The following TSHZ3 variants were observed in gnomAD, a reference collection of about 807,000 sequenced individuals.
TSHZ3 encodes the protein teashirt zinc finger homeobox 3.
Under a neutral mutation model 64.5 loss-of-function variants are expected in TSHZ3, and 10 were observed. The observed-to-expected ratio is 0.16, with a 90% confidence interval of 0.10 to 0.26. The LOEUF is 0.26. Among genes scored for constraint, TSHZ3 ranks in the 10% least tolerant of loss-of-function variants. The probability of loss-of-function intolerance (pLI) is 1.00; values close to 1 mark genes in which losing one functional copy is unlikely to be tolerated. For synonymous variants in TSHZ3, 608 were observed against 593.1 expected, an observed-to-expected ratio of 1.03 and a Z score of -0.36; for missense variants, 1,242 against 1,421.7, an observed-to-expected ratio of 0.87 and a Z score of 2.03.
intron 5 of TSHZ3, among the ~76,000 whole-genome samples, chr19:31,163,730 C>T (rs933221564): frequency 5.3e-5 from 8 of 152,028 alleles, no homozygotes; most frequent in South Asian, 4.1e-4. Flanking sequence ...AACTGTGTCT[C>T]GAAACAAACA....
At chr19:31,317,042 A>C (rs1916621447) in intron 1 of TSHZ3, among the ~76,000 whole-genome samples, 1 of 152,164 alleles carries the variant, frequency 6.6e-6, no homozygotes, top group African/African-American at 2.4e-5. Context: ...TTTGCAGAGG[A>C]ATTACAACAA....
At chr19:31,274,477 T>C (rs1178457964), downstream of TSHZ3, among the ~76,000 whole-genome samples, 1 of 152,066 alleles carries the variant, frequency 6.6e-6, no homozygotes, top group African/African-American at 2.4e-5. Context: ...ATTGGTTCTG[T>C]TTCCCGCTGT....
intron 1 of TSHZ3, among the ~76,000 whole-genome samples, chr19:31,263,288 G>A (rs1409699137): frequency 6.6e-6 from 1 of 152,204 alleles, no homozygotes; most frequent in Non-Finnish European, 1.5e-5. Flanking sequence ...TTTTAGGACA[G>A]GTCATTTTCA....
intron 3 of TSHZ3, among the ~76,000 whole-genome samples, chr19:31,239,431 A>T (rs1975661491): frequency 6.6e-6 from 1 of 152,138 alleles, no homozygotes; most frequent in Non-Finnish European, 1.5e-5. Context: ...CCTGAATGAT[A>T]CTATTCACTA....
chr19:31,271,035 C>G (rs533068058), downstream of TSHZ3, among the ~76,000 whole-genome samples: 52 of 152,304 alleles, frequency 3.4e-4, no homozygotes, highest in Non-Finnish European at 6.6e-4. Flanking sequence ...CCTCCAGAAG[C>G]CGTGGACTTA....
At chr19:31,344,915 A>ACTAT (rs1182710640) in intron 1 of TSHZ3, among the ~76,000 whole-genome samples, 4 of 152,180 alleles carry the variant, frequency 2.6e-5, no homozygotes, top group Non-Finnish European at 5.9e-5. Context: ...TCAGTTATTG[A>ACTAT]CTATCTGGCT....
chr19:31,335,290 G>A (rs1477404823), intron 1 of TSHZ3, among the ~76,000 whole-genome samples: 2 of 152,180 alleles, frequency 1.3e-5, no homozygotes, highest in Non-Finnish European at 2.9e-5. Flanking sequence ...GCAATTATTT[G>A]GAAAGGAGAG....
chr19:31,284,941 A>C (rs551935829), intron 1 of TSHZ3, among the ~76,000 whole-genome samples: 1 of 152,322 alleles, frequency 6.6e-6, no homozygotes, highest in Admixed American at 6.5e-5. Flanking sequence ...TCCTGAATGG[A>C]TCCTGAGTCC....
chr19:31,227,945 T>C (rs1337495710), intron 4 of TSHZ3, among the ~76,000 whole-genome samples: 1 of 152,096 alleles, frequency 6.6e-6, no homozygotes, highest in African/African-American at 2.4e-5. Flanking sequence ...ATGTGTAAAC[T>C]CTGGTTCCTT....
chr19:31,317,453 T>G (rs1439639506), intron 1 of TSHZ3, among the ~76,000 whole-genome samples: 1 of 152,160 alleles, frequency 6.6e-6, no homozygotes, highest in Middle Eastern at 3.2e-3. Context: ...TGCCAGGGAT[T>G]CAGAAGCTCC....
intron 5 of TSHZ3, among the ~76,000 whole-genome samples, chr19:31,194,236 GT>G (rs1335657734): frequency 9.9e-5 from 15 of 152,194 alleles, no homozygotes. Context: ...AATTAAGTGA[GT>G]TTTACCCCCT....
chr19:31,319,972 T>C (rs1916716000), intron 1 of TSHZ3, among the ~76,000 whole-genome samples: 1 of 151,766 alleles, frequency 6.6e-6, no homozygotes, highest in Non-Finnish European at 1.5e-5. Context: ...TCTTGCCAAA[T>C]CATCCTAAAC....
At chr19:31,154,849 G>C (rs1042219319) in intron 6 of TSHZ3, among the ~76,000 whole-genome samples, 1 of 93,902 alleles carries the variant, frequency 1.1e-5, no homozygotes, top group South Asian at 3.9e-4. Context: ...AGGGTTTTGT[G>C]GGGGGACACT....
intron 4 of TSHZ3, among the ~76,000 whole-genome samples, chr19:31,219,278 G>C (rs1975369896): frequency 6.6e-6 from 1 of 152,162 alleles, no homozygotes; most frequent in Non-Finnish European, 1.5e-5. Flanking sequence ...TCCGTGTCTT[G>C]ACCTATGACC....
intron 1 of TSHZ3, among the ~76,000 whole-genome samples, chr19:31,287,876 G>A (rs1049466487): frequency 2.6e-5 from 4 of 152,100 alleles, no homozygotes; most frequent in African/African-American, 4.8e-5. Context: ...TGGGGCCTCC[G>A]GGCCTCCTTT....
chr19:31,182,335 G>C (rs1974730443), intron 5 of TSHZ3, among the ~76,000 whole-genome samples: 1 of 152,210 alleles, frequency 6.6e-6, no homozygotes, highest in Non-Finnish European at 1.5e-5. Flanking sequence ...TCTTGTTCCA[G>C]GGAGAAATGA....
At chr19:31,161,711 T>C (rs1198722307) in intron 5 of TSHZ3, among the ~76,000 whole-genome samples, 1 of 152,214 alleles carries the variant, frequency 6.6e-6, no homozygotes, top group Non-Finnish European at 1.5e-5. Context: ...ACGTGCAGTT[T>C]GCATTTTTAG....
rs531131244 is a variant in TSHZ3 at position 31,303,352 on chromosome 19, T to C, written c.41-23600A>G. Among the ~76,000 whole-genome samples, 40 of 152,348 alleles carry C rather than the reference T, an allele frequency of 2.6e-4. No individual in the cohort carries two copies. In the South Asian group the frequency reaches 8.3e-3, roughly 32 times the overall value. The stretch of plus-strand genomic sequence containing the variant: ...GTCTGCACTGCGACATTGGTCGTGC[T>C]GCAACACAGGACAGAGACGGCAGCC... On this transcript the variant is annotated intron_variant, in intron 1 of 1. Coordinates refer to ENST00000240587, the MANE Select transcript of TSHZ3 (RefSeq NM_020856.4).
chr19:31,224,592 G>T (rs1975434756), intron 4 of TSHZ3, among the ~76,000 whole-genome samples: 1 of 152,184 alleles, frequency 6.6e-6, no homozygotes, highest in African/African-American at 2.4e-5. Flanking sequence ...CCTCACAGAA[G>T]CCAGACGTGG....
Sources: gnomAD v4.1 joint callset for allele counts (sites outside exome capture counted in the v4.1 genomes callset) on GRCh38, gnomAD v4.1.1 for gene constraint, MANE v1.5 for transcripts, NCBI Gene and HGNC (gene_info 2026-07-23, HGNC 2026-07-21) for gene names.